Variants in ABTB3 observed in about 807,000 individuals in gnomAD.
ABTB3 encodes the protein ankyrin repeat and BTB domain containing 3.
chr12:107,523,719 C>T, the ABTB3 span, among the ~76,000 whole-genome samples: 1 of 152,132 alleles, frequency 6.6e-6, no homozygotes, highest in South Asian at 2.1e-4. Flanking sequence ...TTAATACGTA[C>T]TCGGGGCGTT....
At chr12:107,646,084 C>G in the ABTB3 span, among the ~76,000 whole-genome samples, 1 of 152,248 alleles carries the variant, frequency 6.6e-6, no homozygotes, top group Non-Finnish European at 1.5e-5. Flanking sequence ...CATCACGCGC[C>G]GGCAAGGGCC....
At chr12:107,556,969 G>A in the ABTB3 span, among the ~76,000 whole-genome samples, 3 of 151,916 alleles carry the variant, frequency 2.0e-5, no homozygotes, top group Non-Finnish European at 4.4e-5. Flanking sequence ...CTGAGATCGC[G>A]CCATTGCACT....
chr12:107,567,359 G>C, the ABTB3 span, among the ~76,000 whole-genome samples: 2 of 152,210 alleles, frequency 1.3e-5, no homozygotes, highest in Non-Finnish European at 2.9e-5. Context: ...ATGTGCCGTG[G>C]GACAATGTTT....
chr12:107,385,746 C>T, the ABTB3 span, among the ~76,000 whole-genome samples: 1 of 152,032 alleles, frequency 6.6e-6, no homozygotes, highest in Non-Finnish European at 1.5e-5. Flanking sequence ...CTACGTGCAC[C>T]CCCCCAAGCC....
At chr12:107,369,320 G>T in the ABTB3 span, among the ~76,000 whole-genome samples, 1 of 151,120 alleles carries the variant, frequency 6.6e-6, no homozygotes, top group East Asian at 1.9e-4. Flanking sequence ...CAGTTTTCTC[G>T]ACATTATAGA....
At chr12:107,564,805 A>G in the ABTB3 span, among the ~76,000 whole-genome samples, 2 of 152,220 alleles carry the variant, frequency 1.3e-5, no homozygotes, top group Admixed American at 6.5e-5. Flanking sequence ...AATAATGTCT[A>G]TTTGGCTTTG....
At chr12:107,581,215 C>T in the ABTB3 span, 2 of 1,535,466 alleles carry the variant, frequency 1.3e-6, no homozygotes, top group Non-Finnish European at 1.7e-6. Context: ...ACGCCGGCCA[C>T]CGCCGCAGCT....
chr12:107,515,130 G>A, the ABTB3 span, among the ~76,000 whole-genome samples: 8,277 of 152,200 alleles, frequency 0.054, 257 homozygotes, highest in Middle Eastern at 0.065. Flanking sequence ...ATGACCTGCC[G>A]AAAGTCAAAC....
the ABTB3 span, chr12:107,319,897 C>G: frequency 9.5e-6 from 13 of 1,364,252 alleles, no homozygotes; most frequent in Non-Finnish European, 1.2e-5. Context: ...CGCCGGCCGC[C>G]GCGGCCGCCG....
chr12:107,397,295 A>G, the ABTB3 span, among the ~76,000 whole-genome samples: 21 of 152,240 alleles, frequency 1.4e-4, 2 homozygotes, highest in South Asian at 3.5e-3. Context: ...TAGACTTTTC[A>G]GTTTTTGCCA....
the ABTB3 span, among the ~76,000 whole-genome samples, chr12:107,482,296 G>A: frequency 3.9e-5 from 6 of 152,264 alleles, no homozygotes; most frequent in South Asian, 1.2e-3. Context: ...TCTACCCATG[G>A]TTTTGACTCC....
At chr12:107,635,505 G>A in the ABTB3 span, 9 of 847,694 alleles carry the variant, frequency 1.1e-5, no homozygotes, top group African/African-American at 1.2e-4. Context: ...AACAAGGTCA[G>A]TACAGGAGTC....
chr12:107,584,087 A>G, the ABTB3 span, among the ~76,000 whole-genome samples: 1 of 152,248 alleles, frequency 6.6e-6, no homozygotes, highest in Non-Finnish European at 1.5e-5. Flanking sequence ...TTTTAAAAAG[A>G]ATACTTATTT....
the ABTB3 span, among the ~76,000 whole-genome samples, chr12:107,638,903 C>T: frequency 1.3e-5 from 2 of 152,160 alleles, no homozygotes; most frequent in Admixed American, 6.5e-5. Flanking sequence ...ACCACCTTTC[C>T]GTACTAGACA....
chr12:107,624,251 A>T, the ABTB3 span, among the ~76,000 whole-genome samples: 5 of 151,986 alleles, frequency 3.3e-5, no homozygotes, highest in African/African-American at 1.2e-4. Context: ...CTCAAAACTT[A>T]AAATGTTTCT....
At chr12:107,576,345 T>C in the ABTB3 span, among the ~76,000 whole-genome samples, 1 of 152,134 alleles carries the variant, frequency 6.6e-6, no homozygotes, top group Non-Finnish European at 1.5e-5. Context: ...ACAACAGAAA[T>C]TGATTTTCTC....
chr12:107,623,469 C>T, the ABTB3 span, among the ~76,000 whole-genome samples: 7 of 147,648 alleles, frequency 4.7e-5, no homozygotes, highest in Non-Finnish European at 8.9e-5. Context: ...CAGGTTCAAG[C>T]GATTCTCATG....
At chr12:107,361,182 G>A in the ABTB3 span, among the ~76,000 whole-genome samples, 1 of 152,064 alleles carries the variant, frequency 6.6e-6, no homozygotes, top group African/African-American at 2.4e-5. Flanking sequence ...CATAAGTGAT[G>A]AAAGGAAAAA....
chr12:107,400,712 A>G, the ABTB3 span, among the ~76,000 whole-genome samples: 1 of 152,064 alleles, frequency 6.6e-6, no homozygotes, highest in African/African-American at 2.4e-5. Context: ...ATTTAGGGAC[A>G]CGCAAAGTAT....
Sources: gnomAD v4.1 joint callset for allele counts (sites outside exome capture counted in the v4.1 genomes callset) on GRCh38, gnomAD v4.1.1 for gene constraint, MANE v1.5 for transcripts, NCBI Gene and HGNC (gene_info 2026-07-23, HGNC 2026-07-21) for gene names.